The following NPC2 variants were observed in gnomAD, a reference collection of about 807,000 sequenced individuals.
The protein encoded by NPC2 is NPC intracellular cholesterol transporter 2, also known as Niemann-Pick disease type C2 protein.
NPC2 carries 14 observed loss-of-function variants against 17.0 expected under a neutral mutation model. That is an observed-to-expected ratio of 0.82 (90% CI 0.54 to 1.29). NPC2 has a LOEUF of 1.29. Among genes scored for constraint, NPC2 ranks in the 50% most tolerant of loss-of-function variants. NPC2 has a pLI of 0.00. For synonymous variants in NPC2, 75 were observed against 69.3 expected (o/e 1.08, Z -0.41); for missense variants, 167 against 183.4 (o/e 0.91, Z 0.52).
intron 2 of NPC2, among the ~76,000 whole-genome samples, chr14:74,485,558 A>G (rs914716288): frequency 1.4e-5 from 2 of 141,008 alleles, no homozygotes; most frequent in African/African-American, 2.8e-5. Context: ...AGGCCAGGGT[A>G]TAGTCCAGAG....
intron 1 of NPC2, among the ~76,000 whole-genome samples, chr14:74,489,881 T>G (rs959677922): frequency 6.6e-6 from 1 of 152,220 alleles, no homozygotes; most frequent in Non-Finnish European, 1.5e-5. Flanking sequence ...GAGATAATGG[T>G]GTAGCTGAGC....
chr14:74,488,332 A>G (rs773058954), intron 1 of NPC2, among the ~76,000 whole-genome samples: 1 of 152,118 alleles, frequency 6.6e-6, no homozygotes, highest in African/African-American at 2.4e-5. Context: ...TTTCACCCCA[A>G]CTTGACTTCC....
chr14:74,481,034 G>GAA (rs1822559395), intron 3 of NPC2, among the ~76,000 whole-genome samples: 1 of 152,220 alleles, frequency 6.6e-6, no homozygotes, highest in Admixed American at 6.5e-5. Context: ...AATTTCTAAA[G>GAA]CATTCTCTTC....
chr14:74,482,965 G>A (rs2086670540), intron 3 of NPC2: 2 of 661,742 alleles, frequency 3.0e-6, no homozygotes, highest in Admixed American at 2.0e-5. Context: ...TATTTAAACA[G>A]ACCACATCAC....
In NPC2 at chr14:74,484,555, G is replaced by A. The variant is rs762621803; in HGVS notation, c.223C>T (p.His75Tyr). ...IQSKSSKAVV[H>Y]GILMGVPVPF... ...ACTGGGACGCCCATCAGGATGCCATGCACCACGGCCTTGCTGCTTTTAGAC... is the reference window on the plus strand; with the variant it reads ...ACTGGGACGCCCATCAGGATGCCATACACCACGGCCTTGCTGCTTTTAGAC... Residue 75 changes from histidine (H) to tyrosine (Y), a missense_variant, in exon 3 of 5, where the codon CAT becomes TAT. Coordinates refer to ENST00000555619, the MANE Select transcript of NPC2 (RefSeq NM_006432.5). 2 of 1,614,066 alleles carry A rather than the reference G, an allele frequency of 1.2e-6. No homozygotes were observed. Among genetic ancestry groups the A allele is most frequent in the Non-Finnish European group, 1.7e-6 (2 of 1,180,012 alleles).
intron 2 of NPC2, among the ~76,000 whole-genome samples, 168 bp from the exon 3 acceptor site, chr14:74,484,755 C>CA (rs71115996): frequency 0.59 from 50,011 of 84,676 alleles, 14,657 homozygotes; most frequent in East Asian, 0.7. Flanking sequence ...CACAATTATG[C>CA]AAAAAAAAAA....
chr14:74,491,967 C>T (rs1300980739), intron 1 of NPC2, among the ~76,000 whole-genome samples: 1 of 152,168 alleles, frequency 6.6e-6, no homozygotes, highest in East Asian at 1.9e-4. Flanking sequence ...CTGAACCTCC[C>T]CAAATTGCTC....
At chr14:74,493,343 G>T, upstream of NPC2, 1 of 1,574,964 alleles carries the variant, frequency 6.3e-7, no homozygotes, top group East Asian at 2.3e-5. The surrounding 1 kb of genome is among the most constrained non-coding windows in gnomAD (Gnocchi z 4.1). Context: ...CAAACCTGTC[G>T]GGGCGGGCCC....
intron 2 of NPC2, 121 bp from the exon 3 acceptor site, chr14:74,484,708 T>A: frequency 1.2e-6 from 1 of 819,770 alleles, no homozygotes; most frequent in Non-Finnish European, 1.9e-6. Context: ...TTGATAGTGG[T>A]GCTTGGTACT....
rs375899593 is a variant in NPC2 at position 74,484,389 on chromosome 14, G to A, written c.363+26C>T. 54 of 1,612,886 alleles carry A rather than the reference G, an allele frequency of 3.3e-5. No homozygotes were observed. The East Asian group carries it at 3.6e-4, about 11-fold the overall frequency. On this transcript the variant is annotated intron_variant, in intron 3 of 4. Transcript: ENST00000555619. The stretch of plus-strand genomic sequence containing the variant: ...CTCTAATCCAGTCCCAAGGCCTCCC[G>A]TGTCCTCAATAATGGTATCACTTAC...
intron 2 of NPC2, among the ~76,000 whole-genome samples, chr14:74,486,095 C>A (rs1435439525): frequency 6.6e-6 from 1 of 152,178 alleles, no homozygotes. Context: ...TCTTCTCTAA[C>A]CTGTGAACAC....
At chr14:74,491,951 AAG>A (rs1391808562) in intron 1 of NPC2, among the ~76,000 whole-genome samples, 2 of 152,204 alleles carry the variant, frequency 1.3e-5, no homozygotes, top group African/African-American at 4.8e-5. Context: ...CTCTGGCTGT[AAG>A]AGTCTGAACC....
chr14:74,493,481 C>T, upstream of NPC2: 4 of 1,215,664 alleles, frequency 3.3e-6, no homozygotes, highest in South Asian at 2.9e-5. This position sits in a 1 kb window ranked among gnomAD's most constrained non-coding sequence, Gnocchi z 4.1. Context: ...TCCGCCCATG[C>T]CATCCCCTCA....
At position 74,480,002 on chromosome 14, in the gene NPC2, G is replaced by T; in HGVS notation, c.*272C>A. ...GAGTAAATTTCCAGGTGTAGAAAGA[G>T]GCCACAAGTTAATGTTGTTAAAAAA... On this transcript the variant is annotated 3_prime_UTR_variant, in exon 5 of 5. Coordinates refer to ENST00000555619, the MANE Select transcript of NPC2 (RefSeq NM_006432.5). 7.0e-7 allele frequency: 1 copy of T among 1,421,350 alleles called. No homozygotes were observed. Among genetic ancestry groups the T allele is most frequent in the Non-Finnish European group, 9.2e-7 (1 of 1,089,164 alleles). 88.0% of individuals were successfully genotyped at this position (1,421,350 alleles called of 1,614,324 possible).
intron 3 of NPC2, among the ~76,000 whole-genome samples, chr14:74,481,054 T>A (rs892439420): frequency 1.3e-5 from 2 of 152,256 alleles, no homozygotes; most frequent in Non-Finnish European, 2.9e-5. Context: ...CTCTCTTAGA[T>A]CAATGGCATA....
intron 3 of NPC2, chr14:74,482,939 C>A: frequency 1.9e-6 from 1 of 520,568 alleles, no homozygotes. Flanking sequence ...AGGTGCCAGA[C>A]TGGGGGAATC....
At chr14:74,486,953 T>C (rs1421484599) in intron 1 of NPC2, among the ~76,000 whole-genome samples, 1 of 152,060 alleles carries the variant, frequency 6.6e-6, no homozygotes, top group South Asian at 2.1e-4. Context: ...CAGGAACAAC[T>C]ACATTTTTTT....
intron 1 of NPC2, among the ~76,000 whole-genome samples, chr14:74,487,023 C>T (rs8007743): frequency 0.17 from 25,328 of 151,446 alleles, 2,212 homozygotes; most frequent in South Asian, 0.27. Flanking sequence ...ACAGTCTCAG[C>T]TCACTGCAAC....
At chr14:74,491,090 T>C (rs2086766551) in intron 1 of NPC2, among the ~76,000 whole-genome samples, 1 of 152,156 alleles carries the variant, frequency 6.6e-6, no homozygotes, top group South Asian at 2.1e-4. Context: ...TTTTATTTTT[T>C]TGAGACGGAG....
Sources: gnomAD v4.1 joint callset for allele counts (sites outside exome capture counted in the v4.1 genomes callset) on GRCh38, gnomAD v4.1.1 for gene constraint, Gnocchi (gnomAD v3.1) non-coding constraint, MANE v1.5 for transcripts, NCBI Gene and HGNC (gene_info 2026-07-23, HGNC 2026-07-21) for gene names.